The following SLC10A6 variants were observed in gnomAD, a reference collection of about 807,000 sequenced individuals.
SLC10A6 encodes sodium-dependent organic anion transporter.
Under a neutral mutation model 30.0 loss-of-function variants are expected in SLC10A6, and 27 were observed. That is an observed-to-expected ratio of 0.90 (90% CI 0.66 to 1.24). SLC10A6 has a LOEUF of 1.24. Among genes scored for constraint, SLC10A6 ranks in the 50% most tolerant of loss-of-function variants. The probability of loss-of-function intolerance (pLI) is 0.00; values close to 1 mark genes in which losing one functional copy is unlikely to be tolerated. For missense variants in SLC10A6, 439 were observed against 457.0 expected, an observed-to-expected ratio of 0.96 and a Z score of 0.36; for synonymous variants, 166 against 173.8, an observed-to-expected ratio of 0.95 and a Z score of 0.36.
chr4:86,848,173 T>C (rs1270740046), intron 1 of SLC10A6, among the ~76,000 whole-genome samples: 1 of 152,184 alleles, frequency 6.6e-6, no homozygotes, highest in Non-Finnish European at 1.5e-5. Context: ...CCTGAGAGCC[T>C]TCGCATTGCT....
rs1578758055 is a variant in SLC10A6, at chr4:86,837,532, A to G, written c.378-4108T>C. 5 of 927,392 alleles carry G rather than the reference A, an allele frequency of 5.4e-6. No homozygotes were observed. The South Asian group carries it at 2.5e-4, about 46-fold the overall frequency. The allele number at this position is 927,392 out of a possible 1,614,324, so 57.4% of individuals were successfully genotyped here. A position where few individuals can be genotyped will look rare whatever the true frequency, so the allele number is the denominator to read the frequency against. ...CCAAATGAAGGCTAAAAGCCAATAA[A>G]AATCAGGGAGGATGAGAACTGAAGA... On this transcript the variant is annotated intron_variant, in intron 1 of 5. Transcript: ENST00000273905.
At chr4:86,829,876 A>T (rs1746051399) in intron 3 of SLC10A6, among the ~76,000 whole-genome samples, 1 of 152,244 alleles carries the variant, frequency 6.6e-6, no homozygotes, top group Admixed American at 6.5e-5. Flanking sequence ...CATGTAAAAA[A>T]ATGTATCTGG....
chr4:86,846,757 T>G (rs1746398705), intron 1 of SLC10A6, among the ~76,000 whole-genome samples: 2 of 151,978 alleles, frequency 1.3e-5, no homozygotes, highest in African/African-American at 2.4e-5. Context: ...GTGTGTGTGT[T>G]TGAGTGTGTG....
At chr4:86,843,813 A>T (rs1222586753) in intron 1 of SLC10A6, among the ~76,000 whole-genome samples, 1 of 152,146 alleles carries the variant, frequency 6.6e-6, no homozygotes, top group African/African-American at 2.4e-5. Context: ...GTGAGATTCT[A>T]AGCACTTTAG....
intron 4 of SLC10A6, among the ~76,000 whole-genome samples, chr4:86,826,710 T>C (rs1208552614): frequency 6.6e-6 from 1 of 152,148 alleles, no homozygotes; most frequent in Non-Finnish European, 1.5e-5. Flanking sequence ...TTGCATAAAA[T>C]GAAGTAAACC....
Position 86,833,373 on chromosome 4 carries a change from G to A in SLC10A6, c.429C>T (p.Leu143=), listed in dbSNP as rs778024372. 2 of 1,614,044 alleles carry A rather than the reference G, an allele frequency of 1.2e-6. No homozygotes were observed. The highest frequency in any genetic ancestry group is 2.2e-5 in the East Asian group (1 of 44,874). Residue 143 remains leucine (L), a synonymous_variant, in exon 2 of 6, where the codon CTC becomes CTT. Coordinates refer to ENST00000273905, the MANE Select transcript of SLC10A6 (RefSeq NM_197965.3). ...STVAALGMMP[L]CIYLYTWSWS... is the part of the protein sequence containing the mutation. Reference sequence around the variant, plus strand: ...AGGACCAGGTGTAGAGATAAATGCAGAGTGGCATCATTCCCAGGGCGGCCA... The same window carrying A: ...AGGACCAGGTGTAGAGATAAATGCAAAGTGGCATCATTCCCAGGGCGGCCA...
In SLC10A6 at chr4:86,848,777, G is replaced by C. The variant is rs369966485; in HGVS notation, c.339C>G (p.Asn113Lys). The C allele has an allele frequency of 4.4e-6, 7 of 1,608,460 alleles. No homozygotes were observed. The highest frequency in any genetic ancestry group is 1.3e-5 in the African/African-American group (1 of 74,900). The change falls in exon 1 of 6, where the codon AAC becomes AAG. Residue 113 changes from asparagine (N) to lysine (K), a missense_variant. By Grantham distance (94) the Asn-to-Lys change is moderately conservative. Coordinates refer to ENST00000273905, the MANE Select transcript of SLC10A6 (RefSeq NM_197965.3). ...CTCCATCAACCCAGAAGGTGAAAAT[G>C]TTAGAGATGGTGCCCCCCGGGCAGC... is the stretch of plus-strand genomic sequence containing the variant. ...MGCCPGGTIS[N>K]IFTFWVDGDM...
At chr4:86,839,648 G>GT (rs1287815160) in intron 1 of SLC10A6, among the ~76,000 whole-genome samples, 1 of 152,034 alleles carries the variant, frequency 6.6e-6, no homozygotes, top group East Asian at 1.9e-4. Flanking sequence ...GTTGCTTTTA[G>GT]TTTTTTGCCA....
chr4:86,830,963 A>G (rs1426647537), intron 3 of SLC10A6, among the ~76,000 whole-genome samples: 1 of 152,058 alleles, frequency 6.6e-6, no homozygotes, highest in Non-Finnish European at 1.5e-5. Context: ...CCTCCTCTTT[A>G]CGTTTTGTTG....
intron 4 of SLC10A6, among the ~76,000 whole-genome samples, chr4:86,826,683 C>T (rs1483309686): frequency 1.3e-5 from 2 of 152,044 alleles, no homozygotes; most frequent in African/African-American, 4.8e-5. Context: ...CTTTTCTATA[C>T]TTTATTGGTT....
At chr4:86,827,937 T>A in intron 4 of SLC10A6, 56 bp downstream of exon 4, 1 of 1,525,758 alleles carries the variant, frequency 6.6e-7, no homozygotes, top group Non-Finnish European at 8.9e-7. Flanking sequence ...AGCCTACCAG[T>A]GGCAGTGTGT....
rs1458412280 is a variant in SLC10A6, at chr4:86,849,102, C to G, written c.14G>C (p.Cys5Ser). The change falls in exon 1 of 6, where the codon TGT becomes TCT. Residue 5 changes from cysteine (C) to serine (S), a missense_variant. Cys to Ser is a moderately radical substitution (Grantham distance 112). Transcript: ENST00000273905. ...GGCAGGGCAGGCTGAGCTGCTGGAACAATTGGCTCTCATCTCCTCATCTCC... is the reference window on the plus strand; with the variant it reads ...GGCAGGGCAGGCTGAGCTGCTGGAAGAATTGGCTCTCATCTCCTCATCTCC... Reference protein sequence around the residue: MRANCSSSSACPANS... With the variant: MRANSSSSSACPANS... 8 of 1,612,698 alleles carry G rather than the reference C, an allele frequency of 5.0e-6. No individual in the cohort carries two copies. Among genetic ancestry groups the G allele is most frequent in the Non-Finnish European group, 6.8e-6 (8 of 1,179,474 alleles).
intron 4 of SLC10A6, among the ~76,000 whole-genome samples, chr4:86,826,367 T>C (rs1560457739): frequency 1.3e-5 from 2 of 151,994 alleles, no homozygotes; most frequent in Admixed American, 1.3e-4. Flanking sequence ...TCACCTGAGG[T>C]CAGGAGTTCG....
At chr4:86,828,691 A>G (rs1239470672) in intron 3 of SLC10A6, among the ~76,000 whole-genome samples, 1 of 152,076 alleles carries the variant, frequency 6.6e-6, no homozygotes, top group Non-Finnish European at 1.5e-5. Context: ...TCATTGGACA[A>G]TCTGAGCTAA....
At chr4:86,835,189 C>T (rs1316243196) in intron 1 of SLC10A6, among the ~76,000 whole-genome samples, 11 of 152,212 alleles carry the variant, frequency 7.2e-5, no homozygotes, top group Admixed American at 6.5e-4. Flanking sequence ...GTCACGCAAA[C>T]ACCACATGCC....
chr4:86,842,878 T>TTTCTTTC (rs1560461956), intron 1 of SLC10A6, among the ~76,000 whole-genome samples: 19 of 84,720 alleles, frequency 2.2e-4, no homozygotes, highest in Non-Finnish European at 3.7e-4. Context: ...TTCTTTCTTT[T>TTTCTTTC]TTTTTTTGAG....
At chr4:86,842,794 CTT>C (rs1459247286) in intron 1 of SLC10A6, among the ~76,000 whole-genome samples, 42 of 4,050 alleles carry the variant, frequency 0.01, 3 homozygotes, top group African/African-American at 0.017. Flanking sequence ...TCTTTTCTTT[CTT>C]TCTTTCTTTC....
intron 1 of SLC10A6, among the ~76,000 whole-genome samples, chr4:86,838,888 A>C (rs1200672102): frequency 2.2e-5 from 3 of 137,476 alleles, no homozygotes; most frequent in Non-Finnish European, 3.0e-5. Context: ...ATGCCATTGC[A>C]CTCCAGCCTG....
At chr4:86,835,136 G>A (rs116590991) in intron 1 of SLC10A6, among the ~76,000 whole-genome samples, 1 of 152,140 alleles carries the variant, frequency 6.6e-6, no homozygotes, top group Non-Finnish European at 1.5e-5. Flanking sequence ...CTGACTGAAC[G>A]CCTGCCCAGT....
Sources: allele counts gnomAD v4.1 joint callset (sites outside exome capture counted in the v4.1 genomes callset), GRCh38; gene constraint gnomAD v4.1.1; transcripts MANE v1.5; gene names NCBI Gene and HGNC (gene_info 2026-07-23, HGNC 2026-07-21).